The following SUPT6H variants were observed in gnomAD, a reference collection of about 807,000 sequenced individuals.
The protein encoded by SUPT6H is SPT6 homolog, histone chaperone and transcription elongation factor, also known as transcription elongation factor SPT6.
A neutral mutation model predicts 222.3 loss-of-function variants in SUPT6H; 11 were observed. The observed-to-expected ratio is 0.05, with a 90% CI of 0.03 to 0.08. The LOEUF (loss-of-function observed/expected upper bound fraction) is 0.08, where lower values mean the gene tolerates loss of function less well. Ranked by LOEUF, SUPT6H falls within the 10% of genes least tolerant of loss-of-function variation. The pLI is 1.00. For missense variants in SUPT6H, 1,422 were observed against 2,216.0 expected, an observed-to-expected ratio of 0.64 and a Z score of 7.19; for synonymous variants, 762 against 801.2, an observed-to-expected ratio of 0.95 and a Z score of 0.83.
intron 8 of SUPT6H, 21 bp downstream of exon 8, chr17:28,677,837 G>T: frequency 6.2e-7 from 1 of 1,606,442 alleles, no homozygotes; most frequent in Non-Finnish European, 8.5e-7. Flanking sequence ...AAGATCCTTA[G>T]GTTTTGACAT....
At chr17:28,700,777 C>A in intron 35 of SUPT6H, 164 bp from the exon 36 acceptor site, 1 of 980,394 alleles carries the variant, frequency 1.0e-6, no homozygotes, top group Non-Finnish European at 1.5e-6. Flanking sequence ...CCACTGTGTG[C>A]TCGGTGCTGA....
chr17:28,686,187 G>A, intron 19 of SUPT6H, 152 bp from the exon 20 acceptor site: 1 of 679,386 alleles, frequency 1.5e-6, no homozygotes, highest in Non-Finnish European at 2.5e-6. Flanking sequence ...CCAACTTTCA[G>A]GAAGAGGTGG....
At chr17:28,685,633 A>G (rs1352835261) in intron 19 of SUPT6H, among the ~76,000 whole-genome samples, 2 of 152,000 alleles carry the variant, frequency 1.3e-5, no homozygotes, top group African/African-American at 2.4e-5. Context: ...AGAGGCGTGC[A>G]CCACCACGCC....
chr17:28,673,347 T>G (rs1056052725), intron 1 of SUPT6H, 24 bp from the exon 2 acceptor site: 441 of 1,448,362 alleles, frequency 3.0e-4, no homozygotes, highest in Middle Eastern at 7.1e-4. Context: ...CGTTTTTTTA[T>G]CCTTCACTCT....
chr17:28,700,327 C>T lies in SUPT6H; in HGVS notation c.4640-19C>T. The T allele has an allele frequency of 6.2e-7, 1 of 1,614,012 alleles. No individual in the cohort carries two copies. Among genetic ancestry groups the T allele is most frequent in the African/African-American group, 1.3e-5 (1 of 75,048 alleles). On this transcript the variant is annotated intron_variant, in intron 34 of 36. Coordinates refer to ENST00000314616, the MANE Select transcript of SUPT6H (RefSeq NM_003170.5). Reference sequence around the variant, plus strand: ...CTTTCACCTCTAACATGCCCCTCCCCACCTCTGTGTGCTTACAGATCTGAC... The same window carrying T: ...CTTTCACCTCTAACATGCCCCTCCCTACCTCTGTGTGCTTACAGATCTGAC...
rs746667892 is a variant in SUPT6H, at chr17:28,695,557, C to T, written c.3970+10C>T. 6 of 1,610,454 alleles carry T rather than the reference C, an allele frequency of 3.7e-6. No individual in the cohort carries two copies. Among genetic ancestry groups the T allele is most frequent in the Non-Finnish European group, 5.1e-6 (6 of 1,178,372 alleles). ...AAGCAGCAGCGGACCAGTGAGTGTG[C>T]CTCCCACCATCTCTGTGCACCCTGC... On this transcript the variant is annotated intron_variant, in intron 29 of 36. Transcript: ENST00000314616.
At position 28,692,450 on chromosome 17, in the gene SUPT6H, T is replaced by C. The variant is rs766861537; in HGVS notation, c.3634-1246T>C. ...GAGTTCCAGACCAGCCTGACCAACATGATGAAACCCCATCTCTACTAAAAA... is the reference window on the plus strand; with the variant it reads ...GAGTTCCAGACCAGCCTGACCAACACGATGAAACCCCATCTCTACTAAAAA... On this transcript the variant is annotated intron_variant, in intron 27 of 36. Transcript: ENST00000314616. Among the ~76,000 whole-genome samples the C allele has an allele frequency of 2.8e-5, 4 of 145,038 alleles. 1 individual carries two copies. The highest frequency in any genetic ancestry group is 6.0e-5 in the Non-Finnish European group (4 of 66,524).
chr17:28,674,348 AATGACG>A lies in SUPT6H; in HGVS notation c.180_185del (p.Asp62_Asp63del). On this transcript the variant is annotated inframe_deletion, in exon 3 of 37. Transcript: ENST00000314616. ...GCAAGGCAACTTGAAAGGCTTTATC[AATGACG>A]ATGATGATGAAGATGAAGGGGAGGA... 1 of 1,614,190 alleles carries A rather than the reference AATGACG, an allele frequency of 6.2e-7. No individual in the cohort carries two copies. Among genetic ancestry groups the A allele is most frequent in the East Asian group, 2.2e-5 (1 of 44,888 alleles).
chr17:28,681,520 G>A (rs902962863), intron 12 of SUPT6H, 116 bp downstream of exon 12: 63 of 1,311,326 alleles, frequency 4.8e-5, no homozygotes, highest in Middle Eastern at 2.8e-4. Context: ...TCAGGAGTTC[G>A]AGACCAGCCT....
intron 13 of SUPT6H, 151 bp downstream of exon 13, chr17:28,682,131 C>T (rs1432279985): frequency 1.7e-6 from 1 of 596,132 alleles, no homozygotes; most frequent in African/African-American, 1.9e-5. Context: ...TTTAAAAATA[C>T]TCCCTCTCCA....
chr17:28,698,351 T>C (rs2032008576), intron 32 of SUPT6H, among the ~76,000 whole-genome samples: 2 of 152,280 alleles, frequency 1.3e-5, no homozygotes, highest in Admixed American at 6.5e-5. Flanking sequence ...TACACTGGTC[T>C]CTCCTGTCCA....
chr17:28,690,370 G>A, intron 26 of SUPT6H, 141 bp downstream of exon 26: 5 of 1,080,376 alleles, frequency 4.6e-6, no homozygotes, highest in Non-Finnish European at 6.6e-6. Context: ...AAAGACTAAA[G>A]AGTCCTGGAC....
intron 27 of SUPT6H, among the ~76,000 whole-genome samples, chr17:28,692,878 G>A (rs1227449268): frequency 6.8e-6 from 1 of 147,474 alleles, no homozygotes; most frequent in African/African-American, 2.5e-5. Context: ...GCGGGCGCTT[G>A]TAGTCCCAGC....
rs1032738108 is a variant in SUPT6H, at chr17:28,677,701, C to G, written c.898-14C>G. The G allele has an allele frequency of 1.2e-6, 2 of 1,605,294 alleles. No individual in the cohort carries two copies. The highest frequency in any genetic ancestry group is 1.7e-6 in the Non-Finnish European group (2 of 1,172,866). ...GATAAAGTCCGTCTCACCCTGTTGTCTTATCCACTCCAGCTCCGCTCCATC... is the reference window on the plus strand; with the variant it reads ...GATAAAGTCCGTCTCACCCTGTTGTGTTATCCACTCCAGCTCCGCTCCATC... On this transcript the variant is annotated splice_polypyrimidine_tract_variant and intron_variant, in intron 7 of 36. Transcript: ENST00000314616.
At position 28,684,651 on chromosome 17, in the gene SUPT6H, A is replaced by G. The variant is rs762202964; in HGVS notation, c.2295A>G (p.Glu765=). Residue 765 remains glutamate (E), a synonymous_variant, in exon 18 of 37, where the codon GAA becomes GAG. Transcript: ENST00000314616. ...VAPYRPDQQV[E]EDDDFMDENQ... is the part of the protein sequence containing the mutation. ...CCTACCGACCAGATCAGCAGGTGGA[A>G]GAAGATGACGACTTTATGGACGAGA... 1 of 1,614,100 alleles carries G rather than the reference A, an allele frequency of 6.2e-7. No homozygotes were observed. Among genetic ancestry groups the G allele is most frequent in the African/African-American group, 1.3e-5 (1 of 74,928 alleles).
At chr17:28,693,618 C>T in intron 27 of SUPT6H, 78 bp from the exon 28 acceptor site, 4 of 1,550,226 alleles carry the variant, frequency 2.6e-6, no homozygotes, top group Non-Finnish European at 3.5e-6. Flanking sequence ...GAAATTACAA[C>T]ACCTCTGGGA....
chr17:28,693,661 T>G (rs1162104063), intron 27 of SUPT6H, 35 bp from the exon 28 acceptor site: 1 of 1,613,244 alleles, frequency 6.2e-7, no homozygotes, highest in East Asian at 2.2e-5. Flanking sequence ...TCCAGAATAT[T>G]GATAATCAAG....
chr17:28,673,484 A>G lies in SUPT6H; in HGVS notation c.83A>G (p.Lys28Arg). The G allele has an allele frequency of 6.2e-7, 1 of 1,613,546 alleles. No homozygotes were observed. The highest frequency in any genetic ancestry group is 1.1e-5 in the South Asian group (1 of 91,030). Residue 28 changes from lysine to arginine, a missense_variant, in exon 2 of 37, where the codon AAG becomes AGG. Lys to Arg is a conservative substitution (Grantham distance 26). Around this residue, in one of 13 missense-constraint regions of SUPT6H, gnomAD observed 89 missense variants for 118.9 expected, o/e 0.75. Transcript: ENST00000314616. The part of the protein sequence containing the change: ...DEGEVVPRVT[K>R]KFVEEEDDDE... ...GGCGAGGTGGTACCCCGAGTCACCAAGAAATTTGTGGAAGAGGAGGATGAT... is the reference window on the plus strand; with the variant it reads ...GGCGAGGTGGTACCCCGAGTCACCAGGAAATTTGTGGAAGAGGAGGATGAT...
chr17:28,701,197 C>T lies in SUPT6H; in HGVS notation c.4994+69C>T, dbSNP rs1013031700. The T allele has an allele frequency of 1.7e-5, 26 of 1,528,762 alleles. No homozygotes were observed. In the African/African-American group the frequency reaches 3.2e-4, roughly 19 times the overall value. The allele number at this position is 1,528,762 out of a possible 1,614,324, so 94.7% of individuals were successfully genotyped here. On this transcript the variant is annotated intron_variant, in intron 36 of 36. Transcript: ENST00000314616. ...CAGGTGTTGTCAAGAGGCCGAAAGG[C>T]TTAGCAGAGGCAGGTGCTCTGGATC...
Sources: gnomAD v4.1 joint callset for allele counts (sites outside exome capture counted in the v4.1 genomes callset) on GRCh38, gnomAD v4.1.1 for gene constraint, gnomAD v4.1.1 regional missense constraint, MANE v1.5 for transcripts, NCBI Gene and HGNC (gene_info 2026-07-23, HGNC 2026-07-21) for gene names.